The following RCC2 variants were observed in gnomAD, a reference collection of about 807,000 sequenced individuals.
RCC2 encodes protein RCC2.
In RCC2, 19 loss-of-function variants were observed where a neutral mutation model predicts 64.1. The observed-to-expected ratio is 0.30, with a 90% CI of 0.21 to 0.44. RCC2 has a LOEUF of 0.44. Among genes scored for constraint, RCC2 ranks in the 20% least tolerant of loss-of-function variants. RCC2 has a pLI of 1.00. For synonymous variants in RCC2, 325 were observed against 279.6 expected, an observed-to-expected ratio of 1.16 and a Z score of -1.62; for missense variants, 508 against 710.4, an observed-to-expected ratio of 0.72 and a Z score of 3.24.
chr1:17,409,908 T>C (rs2075406336), intron 12 of RCC2, 66 bp downstream of exon 12: 1 of 1,356,524 alleles, frequency 7.4e-7, no homozygotes, highest in Non-Finnish European at 1.1e-6. Context: ...ATGATCAAAA[T>C]CATGAGGAGT....
chr1:17,421,079 T>G (rs1418774285), intron 6 of RCC2, among the ~76,000 whole-genome samples: 1 of 152,106 alleles, frequency 6.6e-6, no homozygotes, highest in East Asian at 1.9e-4. Context: ...TTAAGATCAA[T>G]AAAACCAAGT....
chr1:17,412,917 C>A (rs2075442706), intron 10 of RCC2, among the ~76,000 whole-genome samples, 156 bp downstream of exon 10: 1 of 152,198 alleles, frequency 6.6e-6, no homozygotes, highest in South Asian at 2.1e-4. Context: ...CTCCTGTACC[C>A]CCGGACTCTG....
At chr1:17,419,340 C>A (rs919822325) in intron 7 of RCC2, among the ~76,000 whole-genome samples, 1 of 152,186 alleles carries the variant, frequency 6.6e-6, no homozygotes, top group Non-Finnish European at 1.5e-5. Context: ...TCCCGGGTGA[C>A]AGAGGGAGAC....
At chr1:17,417,433 C>T (rs1008779687) in intron 7 of RCC2, among the ~76,000 whole-genome samples, 3 of 152,146 alleles carry the variant, frequency 2.0e-5, no homozygotes, top group South Asian at 2.1e-4. Context: ...GTTGGGAGGC[C>T]GAAGTGGGTG....
intron 6 of RCC2, 94 bp downstream of exon 6, chr1:17,422,109 T>C: frequency 2.4e-6 from 2 of 823,942 alleles, no homozygotes; most frequent in Non-Finnish European, 3.9e-6. Flanking sequence ...TTACAAGGGG[T>C]AAATTAACTC....
At chr1:17,409,891 G>A in intron 12 of RCC2, 83 bp downstream of exon 12, 1 of 1,205,062 alleles carries the variant, frequency 8.3e-7, no homozygotes, top group South Asian at 1.2e-5. Context: ...AACCCAAACA[G>A]ACTGCGATGA....
intron 7 of RCC2, among the ~76,000 whole-genome samples, chr1:17,418,511 G>A (rs2075515726): frequency 6.6e-6 from 1 of 152,112 alleles, no homozygotes; most frequent in Non-Finnish European, 1.5e-5. Flanking sequence ...ACAAAAATTA[G>A]CCAGGTGTGG....
Position 17,407,898 on chromosome 1 carries a change from CGA to C in RCC2, c.*1190_*1191del, listed in dbSNP as rs1557617291. The C allele has an allele frequency of 6.6e-6, 1 of 152,628 alleles. No individual in the cohort carries two copies. Among genetic ancestry groups the C allele is most frequent in the African/African-American group, 2.4e-5 (1 of 41,422 alleles). The allele number at this position is 152,628 out of a possible 1,614,324, so 9.5% of individuals were successfully genotyped here. ...AGCTGTCGCCTCTCTTGGGTCCAGG[CGA>C]GAGGAGGGTTCCGGGAAAGGCACCT... On this transcript the variant is annotated 3_prime_UTR_variant, in exon 13 of 13. Coordinates refer to ENST00000375436, the MANE Select transcript of RCC2 (RefSeq NM_018715.4).
rs114042651 is a variant in RCC2 at position 17,428,198 on chromosome 1, A to G, written c.379+908T>C. Among the ~76,000 whole-genome samples the G allele has an allele frequency of 2.0e-3, 302 of 152,378 alleles. 2 individuals are homozygous for G. The highest frequency in any genetic ancestry group is 6.8e-3 in the African/African-American group (281 of 41,594). On this transcript the variant is annotated intron_variant, in intron 3 of 12. Transcript: ENST00000375436. ...TTGAGAAATGATGCAACACGGGCACAGGACTGGCAACAAGGCGCCATCAGC... is the reference window on the plus strand; with the variant it reads ...TTGAGAAATGATGCAACACGGGCACGGGACTGGCAACAAGGCGCCATCAGC...
intron 2 of RCC2, among the ~76,000 whole-genome samples, chr1:17,431,114 C>T (rs1483550839): frequency 6.6e-6 from 1 of 150,718 alleles, no homozygotes; most frequent in African/African-American, 2.4e-5. Context: ...AAGCAGATCA[C>T]GAGGTCAGGA....
chr1:17,410,165 C>T, intron 11 of RCC2, 114 bp from the exon 12 acceptor site: 1 of 888,446 alleles, frequency 1.1e-6, no homozygotes, highest in Non-Finnish European at 1.8e-6. Flanking sequence ...TGATGATGCC[C>T]TCTGGCCCAT....
In RCC2 at chr1:17,416,594, G is replaced by A; in HGVS notation, c.912C>T (p.Asp304=). 1 of 1,614,048 alleles carries A rather than the reference G, an allele frequency of 6.2e-7. No individual in the cohort carries two copies. Among genetic ancestry groups the A allele is most frequent in the Non-Finnish European group, 8.5e-7 (1 of 1,180,032 alleles). The change falls in exon 8 of 13, where the codon GAC becomes GAT. Residue 304 remains aspartate, a synonymous_variant. Transcript: ENST00000375436. ...CCACTCGCCGGGGAACTAGTTCACA[G>A]TCGTACTCTATCCGCTGTGCCCGGG... ...FIARAQRIEY[D]CELVPRRVAI... is the part of the protein sequence containing the mutation.
At chr1:17,433,396 C>G in intron 2 of RCC2, among the ~76,000 whole-genome samples, 1 of 152,218 alleles carries the variant, frequency 6.6e-6, no homozygotes, top group East Asian at 1.9e-4. Context: ...GAGAGACTCC[C>G]GCGCTTGCGG....
intron 2 of RCC2, among the ~76,000 whole-genome samples, chr1:17,431,350 A>AT (rs1557633354): frequency 2.6e-5 from 2 of 75,842 alleles, no homozygotes; most frequent in East Asian, 3.6e-4. Flanking sequence ...AAAAAAAAAA[A>AT]AAAAAAAAAA....
At chr1:17,433,362 G>C (rs1003169965) in intron 2 of RCC2, among the ~76,000 whole-genome samples, 15 of 152,218 alleles carry the variant, frequency 9.9e-5, no homozygotes, top group African/African-American at 3.4e-4. Flanking sequence ...CTCTTCCTCA[G>C]AGACCAGAAA....
intron 2 of RCC2, 137 bp from the exon 3 acceptor site, chr1:17,429,336 G>A: frequency 2.9e-6 from 2 of 687,322 alleles, no homozygotes; most frequent in Non-Finnish European, 2.6e-6. Context: ...CACACGAACA[G>A]AGTCTCCCCA....
At chr1:17,420,632 C>T (rs559220623) in intron 7 of RCC2, 82 bp downstream of exon 7, 3 of 803,328 alleles carry the variant, frequency 3.7e-6, no homozygotes, top group East Asian at 2.6e-5. Flanking sequence ...ATTTCTAACA[C>T]GTGTGTGCAG....
rs753498688 is a variant in RCC2 at position 17,416,620 on chromosome 1, C to T, written c.886G>A (p.Ala296Thr). The part of the protein sequence containing the change: ...LGHNSDGKFI[A>T]RAQRIEYDCE... The stretch of plus-strand genomic sequence containing the variant: ...TCGTACTCTATCCGCTGTGCCCGGG[C>T]GATGAACTTCCCATCTGAGTTGTGT... Residue 296 changes from alanine to threonine, a missense_variant, in exon 8 of 13, where the codon GCC becomes ACC. Physicochemically the swap from Ala to Thr is moderately conservative, Grantham distance 58. Around this residue, in one of 4 missense-constraint regions of RCC2, gnomAD observed 179 missense variants for 322.0 expected, o/e 0.56. Coordinates refer to ENST00000375436, the MANE Select transcript of RCC2 (RefSeq NM_018715.4). The T allele has an allele frequency of 1.9e-6, 3 of 1,613,298 alleles. No homozygotes were observed. The highest frequency in any genetic ancestry group is 1.7e-5 in the Admixed American group (1 of 59,966).
At chr1:17,416,371 G>A in intron 8 of RCC2, 109 bp downstream of exon 8, 2 of 1,246,824 alleles carry the variant, frequency 1.6e-6, no homozygotes, top group Non-Finnish European at 2.2e-6. Context: ...GCAAGCAGAT[G>A]TCTACCTGGG....
Sources: gnomAD v4.1 joint callset for allele counts (sites outside exome capture counted in the v4.1 genomes callset) on GRCh38, gnomAD v4.1.1 for gene constraint, gnomAD v4.1.1 regional missense constraint, MANE v1.5 for transcripts, NCBI Gene and HGNC (gene_info 2026-07-23, HGNC 2026-07-21) for gene names.